HDAC9: variants seen among roughly 807,000 people sequenced by gnomAD.
The protein encoded by HDAC9 is histone deacetylase 9.
In HDAC9, 41 loss-of-function variants were observed where a neutral mutation model predicts 139.4. The ratio of observed to expected loss-of-function variants is 0.29; its 90% CI spans 0.23 to 0.38. The LOEUF (loss-of-function observed/expected upper bound fraction) is 0.38, where lower values mean the gene tolerates loss of function less well. HDAC9 is among the 10% of genes least tolerant of loss of function. The pLI is 1.00. For synonymous variants in HDAC9, 517 were observed against 476.2 expected, an observed-to-expected ratio of 1.09 and a Z score of -1.12; for missense variants, 1,147 against 1,297.0, an observed-to-expected ratio of 0.88 and a Z score of 1.78.
upstream of HDAC9, chr7:18,290,297 C>T: frequency 5.6e-6 from 2 of 354,334 alleles, no homozygotes; most frequent in South Asian, 4.5e-5. Context: ...TAAAGTCGTT[C>T]AGTAGCAGGG....
At chr7:18,877,063 C>G (rs1230536713) in intron 22 of HDAC9, among the ~76,000 whole-genome samples, 1 of 152,046 alleles carries the variant, frequency 6.6e-6, no homozygotes, top group Non-Finnish European at 1.5e-5. Context: ...CCCTTAATCC[C>G]CCAAACTTAG....
rs139158232 is a variant in HDAC9 at position 18,293,125 on chromosome 7, C to T, written c.-42+2610C>T. Reference sequence around the variant, plus strand: ...AATTTGCAATCGTTCATTTTTCCTTCGTTGGCTACAGTACTTTTGTCATCT... The same window carrying T: ...AATTTGCAATCGTTCATTTTTCCTTTGTTGGCTACAGTACTTTTGTCATCT... On this transcript the variant is annotated intron_variant, in intron 1 of 3. Coordinates refer to the HDAC9 transcript ENST00000413509. Among the ~76,000 whole-genome samples the T allele has an allele frequency of 2.1e-3, 326 of 152,130 alleles. 2 individuals carry two copies. The highest frequency in any genetic ancestry group is 0.02 in the East Asian group (103 of 5,172).
intron 2 of HDAC9, among the ~76,000 whole-genome samples, chr7:18,257,913 G>T (rs560448321): frequency 6.6e-6 from 1 of 152,168 alleles, no homozygotes; most frequent in South Asian, 2.1e-4. Context: ...ACTTAGAGCC[G>T]GGCCAGTCAG....
intron 1 of HDAC9, among the ~76,000 whole-genome samples, chr7:18,137,218 G>A (rs1235697544): frequency 5.5e-5 from 6 of 109,834 alleles, no homozygotes; most frequent in African/African-American, 2.6e-4. Flanking sequence ...AGACAATGGG[G>A]TTTTCTAGAT....
chr7:18,990,804 T>G (rs188944319), intron 25 of HDAC9, among the ~76,000 whole-genome samples: 1 of 152,254 alleles, frequency 6.6e-6, no homozygotes, highest in Non-Finnish European at 1.5e-5. Context: ...GGGAGTGACC[T>G]GATTTTCCAG....
chr7:18,470,465 TC>T (rs1725888307), intron 1 of HDAC9, among the ~76,000 whole-genome samples: 1 of 152,194 alleles, frequency 6.6e-6, no homozygotes. Context: ...AAAATAAAAT[TC>T]TTTCTTTTAA....
chr7:18,164,702 G>A (rs1364460806), intron 2 of HDAC9, among the ~76,000 whole-genome samples: 1 of 152,166 alleles, frequency 6.6e-6, no homozygotes, highest in Non-Finnish European at 1.5e-5. Context: ...AATACAAAAT[G>A]CCGCCGTCTT....
At chr7:18,173,740 A>T (rs1022344692) in intron 2 of HDAC9, among the ~76,000 whole-genome samples, 4 of 152,154 alleles carry the variant, frequency 2.6e-5, no homozygotes, top group African/African-American at 9.7e-5. Context: ...TGGGTTGAAA[A>T]TTCTTTTCTT....
At chr7:18,831,465 G>C (rs1020053696) in intron 19 of HDAC9, among the ~76,000 whole-genome samples, 1 of 152,114 alleles carries the variant, frequency 6.6e-6, no homozygotes, top group South Asian at 2.1e-4. Context: ...CCTGGCCTTT[G>C]ATTATGTATT....
At chr7:18,459,999 A>G (rs1389215570) in intron 1 of HDAC9, among the ~76,000 whole-genome samples, 2 of 145,678 alleles carry the variant, frequency 1.4e-5, no homozygotes, top group East Asian at 4.0e-4. Flanking sequence ...GGCTCACTGG[A>G]GCCTCAAATT....
chr7:18,575,382 C>G (rs1825679005), intron 2 of HDAC9, among the ~76,000 whole-genome samples: 1 of 152,088 alleles, frequency 6.6e-6, no homozygotes, highest in African/African-American at 2.4e-5. Flanking sequence ...CTTACCAGTT[C>G]TGGTGTAATT....
At chr7:18,244,094 C>G (rs915426890) in intron 2 of HDAC9, among the ~76,000 whole-genome samples, 3 of 151,574 alleles carry the variant, frequency 2.0e-5, no homozygotes, top group Admixed American at 6.6e-5. Flanking sequence ...GGCAAGAGCT[C>G]AAAAGTAAGT....
intron 2 of HDAC9, among the ~76,000 whole-genome samples, chr7:18,195,868 C>T (rs1197979829): frequency 6.6e-6 from 1 of 152,046 alleles, no homozygotes; most frequent in African/African-American, 2.4e-5. Flanking sequence ...CATCATCATC[C>T]CTATTCCTTT....
chr7:18,821,546 C>T lies in HDAC9; in HGVS notation c.2323-7615C>T, dbSNP rs115971745. Among the ~76,000 whole-genome samples, 1,210 of 152,194 alleles carry T rather than the reference C, an allele frequency of 8.0e-3. 24 individuals are homozygous for T. Among genetic ancestry groups the T allele is most frequent in the African/African-American group, 0.028 (1,168 of 41,534 alleles). Reference sequence around the variant, plus strand: ...GTGATACAAAATAAAACTGATGCAGCGGGAAAAGGAAGATCAACTGTTTTT... The same window carrying T: ...GTGATACAAAATAAAACTGATGCAGTGGGAAAAGGAAGATCAACTGTTTTT... On this transcript the variant is annotated intron_variant, in intron 17 of 25. Coordinates refer to ENST00000686413, the MANE Select transcript of HDAC9 (RefSeq NM_178425.4).
intron 2 of HDAC9, among the ~76,000 whole-genome samples, chr7:18,257,301 G>A (rs775695934): frequency 8.8e-5 from 13 of 147,126 alleles, no homozygotes; most frequent in Non-Finnish European, 1.8e-4. Context: ...GGTGGAGGTC[G>A]CAATAAGCTG....
At chr7:18,207,422 A>G (rs1327124759) in intron 2 of HDAC9, among the ~76,000 whole-genome samples, 1 of 151,560 alleles carries the variant, frequency 6.6e-6, no homozygotes, top group East Asian at 1.9e-4. Context: ...TTTATTTTTA[A>G]TAAAGATAGG....
rs114208443 is a variant in HDAC9, at chr7:18,269,512, A to G, written c.25+107163A>G. 6.3e-3 allele frequency among the ~76,000 whole-genome samples: 960 copies of G among 152,282 alleles called. 10 individuals are homozygous for G. Among genetic ancestry groups the G allele is most frequent in the African/African-American group, 0.022 (903 of 41,558 alleles). On this transcript the variant is annotated intron_variant, in intron 2 of 12. Transcript: ENST00000417496. Reference sequence around the variant, plus strand: ...CCAGAAAAGAAGACCTTCACCACTCACCAGTCTCCAGAGTTTACTGATCAG... The same window carrying G: ...CCAGAAAAGAAGACCTTCACCACTCGCCAGTCTCCAGAGTTTACTGATCAG...
intron 21 of HDAC9, among the ~76,000 whole-genome samples, chr7:18,868,821 C>T (rs576384185): frequency 1.3e-5 from 2 of 152,062 alleles, no homozygotes; most frequent in South Asian, 4.2e-4. Flanking sequence ...GTCTTAAGAC[C>T]CTCTCTGGAA....
chr7:18,394,008 T>G (rs950444935), intron 1 of HDAC9, among the ~76,000 whole-genome samples: 6 of 152,186 alleles, frequency 3.9e-5, no homozygotes, highest in African/African-American at 1.4e-4. Context: ...TCTGTTAATT[T>G]AAAGCTAGAC....
Sources: allele counts gnomAD v4.1 joint callset (sites outside exome capture counted in the v4.1 genomes callset), GRCh38; gene constraint gnomAD v4.1.1; transcripts MANE v1.5; gene names NCBI Gene and HGNC (gene_info 2026-07-23, HGNC 2026-07-21).